Variants in GRK5 observed in about 807,000 individuals in gnomAD.
The protein encoded by GRK5 is G protein-coupled receptor kinase 5.
Under a neutral mutation model 78.4 loss-of-function variants are expected in GRK5, and 40 were observed. The ratio of observed to expected loss-of-function variants is 0.51; its 90% CI spans 0.40 to 0.66. The LOEUF (loss-of-function observed/expected upper bound fraction) is 0.66, where lower values mean the gene tolerates loss of function less well. GRK5 is among the 30% of genes least tolerant of loss of function. GRK5 has a pLI of 0.00. For synonymous variants in GRK5, 289 were observed against 296.8 expected (o/e 0.97, Z 0.27); for missense variants, 598 against 759.9 (o/e 0.79, Z 2.50).
rs1849560333 is a variant in GRK5, at chr10:119,269,991, G to T, written c.53-56525G>T. 2.6e-5 allele frequency among the ~76,000 whole-genome samples: 4 copies of T among 152,262 alleles called. No homozygotes were observed. The South Asian group carries it at 8.3e-4, about 32-fold the overall frequency. On this transcript the variant is annotated intron_variant, in intron 1 of 15. Coordinates refer to ENST00000392870, the MANE Select transcript of GRK5 (RefSeq NM_005308.3). ...CCCCCACACTTTGTCTGCTCCTCCA[G>T]CCTCCTTGGAGTACCTTGAATGTAC...
Position 119,413,172 on chromosome 10 carries a change from G to A in GRK5, c.340-9994G>A, listed in dbSNP as rs570601001. Reference sequence around the variant, plus strand: ...GGCGGTACCTAGGCTGGGAACCCCCGAACCAGGGCACTTCTCCCCCACCCA... The same window carrying A: ...GGCGGTACCTAGGCTGGGAACCCCCAAACCAGGGCACTTCTCCCCCACCCA... On this transcript the variant is annotated intron_variant, in intron 4 of 15. Coordinates refer to ENST00000392870, the MANE Select transcript of GRK5 (RefSeq NM_005308.3). 1.1e-4 allele frequency among the ~76,000 whole-genome samples: 16 copies of A among 151,952 alleles called. No homozygotes were observed. In the South Asian group the frequency reaches 2.5e-3, roughly 24 times the overall value.
chr10:119,294,898 G>A (rs1302539622), intron 1 of GRK5, among the ~76,000 whole-genome samples: 3 of 152,130 alleles, frequency 2.0e-5, no homozygotes, highest in Non-Finnish European at 4.4e-5. Context: ...TCTGGGCAGG[G>A]CATGGTGGCT....
chr10:119,398,118 G>A (rs11198907), intron 4 of GRK5, among the ~76,000 whole-genome samples: 54,715 of 152,154 alleles, frequency 0.36, 11,407 homozygotes, highest in Non-Finnish European at 0.45. Flanking sequence ...CTCCAGATAT[G>A]GGCCTGTTGC....
intron 1 of GRK5, among the ~76,000 whole-genome samples, chr10:119,239,346 T>C (rs1848983666): frequency 6.6e-6 from 1 of 151,974 alleles, no homozygotes; most frequent in Admixed American, 6.6e-5. Flanking sequence ...GCGATTTTCC[T>C]GCTTCAGCCT....
At chr10:119,449,265 C>T (rs1018419889) in intron 13 of GRK5, among the ~76,000 whole-genome samples, 3 of 152,206 alleles carry the variant, frequency 2.0e-5, no homozygotes, top group Non-Finnish European at 4.4e-5. Flanking sequence ...CTCCCAGAAC[C>T]AGTGGTTATC....
At chr10:119,444,216 C>G (rs1853099081) in intron 12 of GRK5, among the ~76,000 whole-genome samples, 1 of 152,154 alleles carries the variant, frequency 6.6e-6, no homozygotes, top group African/African-American at 2.4e-5. Context: ...AGTCTTTGAA[C>G]ATCTTATAAC....
intron 1 of GRK5, among the ~76,000 whole-genome samples, chr10:119,241,489 A>G (rs1849025292): frequency 1.3e-5 from 2 of 152,220 alleles, no homozygotes; most frequent in African/African-American, 4.8e-5. Context: ...GTTAACTGCA[A>G]ACTTCTTTCA....
intron 2 of GRK5, among the ~76,000 whole-genome samples, chr10:119,330,076 TG>T (rs1850743711): frequency 6.6e-6 from 1 of 152,044 alleles, no homozygotes; most frequent in African/African-American, 2.4e-5. Flanking sequence ...TTGGCCAGGC[TG>T]GTTTCAAACT....
At chr10:119,351,824 G>C (rs752047885) in intron 2 of GRK5, among the ~76,000 whole-genome samples, 18 of 152,220 alleles carry the variant, frequency 1.2e-4, no homozygotes, top group Admixed American at 3.3e-4. Context: ...CCAACTGACA[G>C]CTGATAAAAG....
At chr10:119,284,188 T>C (rs1223012625) in intron 1 of GRK5, among the ~76,000 whole-genome samples, 2 of 152,128 alleles carry the variant, frequency 1.3e-5, no homozygotes, top group African/African-American at 4.8e-5. Context: ...GAGCCTCTTA[T>C]GAAGTAGAAA....
At chr10:119,337,005 G>C (rs534407128) in intron 2 of GRK5, among the ~76,000 whole-genome samples, 1 of 152,308 alleles carries the variant, frequency 6.6e-6, no homozygotes, top group East Asian at 1.9e-4. Context: ...GATACTGTCC[G>C]TGGGTTTCTT....
In GRK5 at chr10:119,267,665, G is replaced by A. The variant is rs1365335286; in HGVS notation, c.53-58851G>A. On this transcript the variant is annotated intron_variant, in intron 1 of 15. Transcript: ENST00000392870. The surrounding 1 kb of genome is among the most constrained non-coding windows in gnomAD (Gnocchi z 4.1). ...TTAGGTTCTATAGCAAGGAGGTCCAGCACCGCTCGTGGACCCAAACTGTCC... is the reference window on the plus strand; with the variant it reads ...TTAGGTTCTATAGCAAGGAGGTCCAACACCGCTCGTGGACCCAAACTGTCC... Among the ~76,000 whole-genome samples the A allele has an allele frequency of 1.3e-5, 2 of 152,206 alleles. No homozygotes were observed. Among genetic ancestry groups the A allele is most frequent in the African/African-American group, 4.8e-5 (2 of 41,446 alleles).
At chr10:119,313,110 G>C (rs1589738089) in intron 1 of GRK5, among the ~76,000 whole-genome samples, 1 of 147,250 alleles carries the variant, frequency 6.8e-6, no homozygotes, top group South Asian at 2.2e-4. Context: ...GGTAATGATG[G>C]TAGTGGTGAT....
rs76489233 is a variant in GRK5 at position 119,306,283 on chromosome 10, G to A, written c.53-20233G>A. On this transcript the variant is annotated intron_variant, in intron 1 of 15. Transcript: ENST00000392870. ...TGTGAGGTGAGTCACTGTTTCCCCC[G>A]TTTTGTTGATTGCAGACACCTCTGT... Among the ~76,000 whole-genome samples the A allele has an allele frequency of 6.6e-5, 10 of 152,318 alleles. No individual in the cohort carries two copies. In the East Asian group the frequency reaches 1.2e-3, roughly 18 times the overall value.
Position 119,412,708 on chromosome 10 carries a change from AG to A in GRK5, c.340-10456del, listed in dbSNP as rs1376250145. 6.6e-6 allele frequency among the ~76,000 whole-genome samples: 1 copy of A among 152,210 alleles called. No homozygotes were observed. Among genetic ancestry groups the A allele is most frequent in the Non-Finnish European group, 1.5e-5 (1 of 68,032 alleles). ...ATGGTGCTTTTTCTTCCTGTCAGCCAGGCCTTAAATCAACCCTCAAGTGAGG... is the reference window on the plus strand; with the variant it reads ...ATGGTGCTTTTTCTTCCTGTCAGCCAGCCTTAAATCAACCCTCAAGTGAGG... On this transcript the variant is annotated intron_variant, in intron 4 of 15. Coordinates refer to ENST00000392870, the MANE Select transcript of GRK5 (RefSeq NM_005308.3). This position sits in a 1 kb window ranked among gnomAD's most constrained non-coding sequence, Gnocchi z 4.3.
At position 119,380,878 on chromosome 10, in the gene GRK5, G is replaced by A. The variant is rs1851699225; in HGVS notation, c.212G>A (p.Cys71Tyr). ...PIGRLLFRQF[C>Y]ETRPGLECYI... The stretch of plus-strand genomic sequence containing the variant: ...GGGAGGCTGCTTTTCCGGCAGTTTT[G>A]TGAAACCAGGCCTGGGCTGGAGTGT... The change falls in exon 3 of 16, where the codon TGT (cysteine) becomes TAT (tyrosine). Residue 71 changes from cysteine to tyrosine, a missense_variant. By Grantham distance (194) the Cys-to-Tyr change is radical. Coordinates refer to ENST00000392870, the MANE Select transcript of GRK5 (RefSeq NM_005308.3). 8 of 1,613,690 alleles carry A rather than the reference G, an allele frequency of 5.0e-6. No homozygotes were observed. The highest frequency in any genetic ancestry group is 6.8e-6 in the Non-Finnish European group (8 of 1,179,570).
chr10:119,395,126 T>C (rs1005093967), intron 3 of GRK5, among the ~76,000 whole-genome samples: 2 of 143,632 alleles, frequency 1.4e-5, no homozygotes, highest in Non-Finnish European at 3.0e-5. Context: ...AGTCCCTGAC[T>C]TCTCTGAGCC....
intron 2 of GRK5, among the ~76,000 whole-genome samples, chr10:119,350,178 C>T (rs1414663462): frequency 6.6e-6 from 1 of 152,248 alleles, no homozygotes; most frequent in Non-Finnish European, 1.5e-5. Context: ...CGGCTGCCAT[C>T]TCTGATGGGA....
chr10:119,415,722 GC>G (rs756087287), intron 4 of GRK5, among the ~76,000 whole-genome samples: 10 of 152,186 alleles, frequency 6.6e-5, no homozygotes, highest in Non-Finnish European at 2.9e-5. Flanking sequence ...GGAGGCCAAA[GC>G]CATGTCCTTC....
Sources: gnomAD v4.1 joint callset for allele counts (sites outside exome capture counted in the v4.1 genomes callset) on GRCh38, gnomAD v4.1.1 for gene constraint, Gnocchi (gnomAD v3.1) non-coding constraint, MANE v1.5 for transcripts, NCBI Gene and HGNC (gene_info 2026-07-23, HGNC 2026-07-21) for gene names.